Variants in NOL4L observed in about 807,000 individuals in gnomAD.
The protein encoded by NOL4L is nucleolar protein 4-like.
A neutral mutation model predicts 64.5 loss-of-function variants in NOL4L; 7 were observed. The ratio of observed to expected loss-of-function variants is 0.11; its 90% CI spans 0.06 to 0.20. The LOEUF (loss-of-function observed/expected upper bound fraction) is 0.20, where lower values mean the gene tolerates loss of function less well. Ranked by LOEUF, NOL4L falls within the 10% of genes least tolerant of loss-of-function variation. NOL4L has a pLI of 1.00. For synonymous variants in NOL4L, 413 were observed against 401.0 expected, an observed-to-expected ratio of 1.03 and a Z score of -0.36; for missense variants, 680 against 967.1, an observed-to-expected ratio of 0.70 and a Z score of 3.94.
At chr20:32,522,404 G>A (rs1164734088) in intron 2 of NOL4L, among the ~76,000 whole-genome samples, 3 of 152,226 alleles carry the variant, frequency 2.0e-5, no homozygotes, top group African/African-American at 7.2e-5. Flanking sequence ...GCAGCGGATG[G>A]GAGAGCAACA....
At chr20:32,470,883 T>A (rs1318038040) in intron 5 of NOL4L, among the ~76,000 whole-genome samples, 2 of 152,216 alleles carry the variant, frequency 1.3e-5, no homozygotes, top group Admixed American at 6.5e-5. Context: ...GGAGAAGCAC[T>A]GGCACCTCCC....
intron 1 of NOL4L, chr20:32,565,018 G>C (rs1323275819): frequency 6.6e-6 from 1 of 152,394 alleles, no homozygotes; most frequent in Non-Finnish European, 1.5e-5. Flanking sequence ...AGCGCCCTGG[G>C]GCTTGGGATT....
At chr20:32,559,582 G>A (rs777227253) in intron 1 of NOL4L, among the ~76,000 whole-genome samples, 1 of 152,196 alleles carries the variant, frequency 6.6e-6, no homozygotes, top group South Asian at 2.1e-4. Flanking sequence ...TCAGCAAATG[G>A]AGGCCTACAC....
chr20:32,584,133 G>GCGCACA lies in NOL4L; in HGVS notation c.321+436_321+437insTGTGCG, dbSNP rs1555811186. On this transcript the variant is annotated intron_variant, in intron 1 of 10. Coordinates refer to ENST00000621426, the MANE Select transcript of NOL4L (RefSeq NM_001256798.2). ...CCCCGCGGCACCACCCTCCGCGCGC[G>GCGCACA]CACACACACACACACACACACACAC... 2.3e-3 allele frequency among the ~76,000 whole-genome samples: 200 copies of GCGCACA among 88,808 alleles called. 2 individuals carry two copies. Among genetic ancestry groups the GCGCACA allele is most frequent in the Non-Finnish European group, 2.7e-3 (129 of 47,460 alleles). The allele number at this position is 88,808 out of a possible 152,430, so 58.3% of individuals were successfully genotyped here. A position where few individuals can be genotyped will look rare whatever the true frequency, so the allele number is the denominator to read the frequency against.
intron 4 of NOL4L, among the ~76,000 whole-genome samples, chr20:32,499,619 G>A (rs1012899456): frequency 5.3e-5 from 8 of 151,306 alleles, no homozygotes; most frequent in African/African-American, 1.7e-4. Context: ...GGCATCTGTA[G>A]TCCCAGCTAC....
intron 2 of NOL4L, 132 bp downstream of exon 2, chr20:32,527,626 C>T: frequency 9.1e-7 from 1 of 1,098,918 alleles, no homozygotes; most frequent in Non-Finnish European, 1.3e-6. Flanking sequence ...CCTGTGCCCC[C>T]CTAGATCCCC....
intron 1 of NOL4L, among the ~76,000 whole-genome samples, chr20:32,548,195 G>C (rs1286112269): frequency 6.6e-6 from 1 of 152,198 alleles, no homozygotes; most frequent in Non-Finnish European, 1.5e-5. Flanking sequence ...AGTCAGGATT[G>C]AACCTACATT....
chr20:32,534,054 T>C (rs909397637), intron 1 of NOL4L, among the ~76,000 whole-genome samples: 1 of 152,250 alleles, frequency 6.6e-6, no homozygotes, highest in Non-Finnish European at 1.5e-5. Context: ...ATAAGTTACA[T>C]ACTTATCAAG....
chr20:32,565,328 C>T (rs575627035), intron 1 of NOL4L, among the ~76,000 whole-genome samples: 2 of 152,340 alleles, frequency 1.3e-5, no homozygotes, highest in South Asian at 4.1e-4. Flanking sequence ...TGAGCTTCCC[C>T]AGGCTCTGGG....
intron 4 of NOL4L, among the ~76,000 whole-genome samples, chr20:32,484,645 G>A (rs900668460): frequency 2.0e-5 from 3 of 152,044 alleles, no homozygotes; most frequent in Non-Finnish European, 4.4e-5. Context: ...GGGTCCTGAC[G>A]GCGCGCGAGC....
Position 32,447,608 on chromosome 20 carries a change from T to C in NOL4L, c.2031A>G (p.Leu677=). 1.2e-6 allele frequency: 2 copies of C among 1,601,198 alleles called. No individual in the cohort carries two copies. Among genetic ancestry groups the C allele is most frequent in the Admixed American group, 3.3e-5 (2 of 59,856 alleles). The change falls in exon 11 of 11, where the codon CTA becomes CTG. Residue 677 remains leucine (L), a synonymous_variant. Coordinates refer to ENST00000621426, the MANE Select transcript of NOL4L (RefSeq NM_001256798.2). ...RSADELENLI[L]QQN Reference sequence around the variant, plus strand: ...GGTGCCGGTGGGGTCAGTTCTGCTGTAGGATGAGGTTTTCCAGTTCATCTG... The same window carrying C: ...GGTGCCGGTGGGGTCAGTTCTGCTGCAGGATGAGGTTTTCCAGTTCATCTG...
intron 1 of NOL4L, among the ~76,000 whole-genome samples, chr20:32,564,061 G>A (rs1046057193): frequency 2.6e-5 from 4 of 152,148 alleles, no homozygotes; most frequent in Admixed American, 6.5e-5. Flanking sequence ...TTGGCTGCCC[G>A]GTGCAGCCTG....
intron 3 of NOL4L, among the ~76,000 whole-genome samples, chr20:32,513,094 A>C (rs2017480585): frequency 1.3e-5 from 2 of 152,166 alleles, no homozygotes; most frequent in African/African-American, 4.8e-5. Flanking sequence ...TTTTAATCAA[A>C]AGGTGCCCCT....
chr20:32,550,688 T>A (rs927497271), intron 1 of NOL4L, among the ~76,000 whole-genome samples: 1 of 152,168 alleles, frequency 6.6e-6, no homozygotes, highest in South Asian at 2.1e-4. Context: ...GAGACCAGAC[T>A]GACCATCATG....
intron 5 of NOL4L, among the ~76,000 whole-genome samples, chr20:32,459,299 G>A (rs1175460376): frequency 5.3e-5 from 8 of 150,806 alleles, no homozygotes; most frequent in Non-Finnish European, 7.4e-5. Context: ...AGAGTACAGC[G>A]GTGCCATTAG....
At chr20:32,456,025 G>T in intron 6 of NOL4L, 93 bp downstream of exon 6, 1 of 1,330,542 alleles carries the variant, frequency 7.5e-7, no homozygotes. Context: ...ACATGGGCTG[G>T]CTCCAGCTAA....
At chr20:32,485,087 A>AAAAAAAAAAAAAAAAAAC (rs2016022458) in intron 4 of NOL4L, among the ~76,000 whole-genome samples, 1 of 137,702 alleles carries the variant, frequency 7.3e-6, no homozygotes. Context: ...AAAAAAAAAA[A>AAAAAAAAAAAAAAAAAAC]CAACTAAAAA....
At chr20:32,454,322 C>T (rs1006462754) in intron 6 of NOL4L, among the ~76,000 whole-genome samples, 16 of 152,358 alleles carry the variant, frequency 1.1e-4, no homozygotes, top group African/African-American at 3.4e-4. Context: ...CAGCAGGATG[C>T]GTTCCCGCAG....
intron 3 of NOL4L, among the ~76,000 whole-genome samples, chr20:32,515,085 G>A (rs2017592135): frequency 6.6e-6 from 1 of 152,174 alleles, no homozygotes; most frequent in Admixed American, 6.5e-5. Flanking sequence ...GCTAGTGACA[G>A]TGTGGCTTAG....
Sources: allele counts gnomAD v4.1 joint callset (sites outside exome capture counted in the v4.1 genomes callset), GRCh38; gene constraint gnomAD v4.1.1; transcripts MANE v1.5; gene names NCBI Gene and HGNC (gene_info 2026-07-23, HGNC 2026-07-21).